TYW1: variants seen among roughly 807,000 people sequenced by gnomAD.
TYW1 encodes S-adenosyl-L-methionine-dependent tRNA 4-demethylwyosine synthase TYW1.
In TYW1, 46 loss-of-function variants were observed where a neutral mutation model predicts 96.2. That is an observed-to-expected ratio of 0.48 (90% CI 0.38 to 0.61). TYW1 has a LOEUF of 0.61. TYW1 is among the 20% of genes least tolerant of loss of function. TYW1 has a pLI of 0.00. For synonymous variants in TYW1, 274 were observed against 323.0 expected (o/e 0.85, Z 1.63); for missense variants, 684 against 909.6 (o/e 0.75, Z 3.19).
intron 15 of TYW1, among the ~76,000 whole-genome samples, chr7:67,214,881 G>C (rs1279921493): frequency 2.0e-5 from 3 of 151,318 alleles, no homozygotes; most frequent in Non-Finnish European, 4.4e-5. Context: ...TAATTCTTTT[G>C]ATACATTGTT....
At chr7:67,044,110 AG>A (rs1230082338) in intron 7 of TYW1, among the ~76,000 whole-genome samples, 2 of 132,730 alleles carry the variant, frequency 1.5e-5, no homozygotes, top group Non-Finnish European at 3.2e-5. Flanking sequence ...CATGAATAAG[AG>A]TTTTTTTTTT....
chr7:67,013,739 C>CTTTTTTTTT (rs931500833), intron 4 of TYW1, among the ~76,000 whole-genome samples: 2 of 97,538 alleles, frequency 2.1e-5, no homozygotes, highest in Non-Finnish European at 3.8e-5. Context: ...GCATTTTTTC[C>CTTTTTTTTT]TTTTTTTTTT....
chr7:67,159,967 A>C (rs1799109306), intron 13 of TYW1, among the ~76,000 whole-genome samples: 1 of 131,402 alleles, frequency 7.6e-6, no homozygotes, highest in South Asian at 2.4e-4. Context: ...CGCCCGGCTA[A>C]TGTTTTGTAT....
At chr7:67,068,024 CT>C (rs562212918) in intron 10 of TYW1, among the ~76,000 whole-genome samples, 225 of 140,790 alleles carry the variant, frequency 1.6e-3, no homozygotes, top group Middle Eastern at 3.7e-3. Context: ...TTTTTCTTTT[CT>C]TTTTTTTTTT....
intron 15 of TYW1, among the ~76,000 whole-genome samples, chr7:67,212,407 AC>A (rs1435381742): frequency 1.3e-5 from 2 of 152,004 alleles, no homozygotes; most frequent in Non-Finnish European, 1.5e-5. Context: ...CTATTGAAGG[AC>A]ATCTTGGTTG....
intron 7 of TYW1, among the ~76,000 whole-genome samples, chr7:67,037,464 A>G (rs763132207): frequency 1.3e-5 from 2 of 149,212 alleles, no homozygotes; most frequent in African/African-American, 2.5e-5. Flanking sequence ...AGATTGCACC[A>G]TTGCACTCCA....
chr7:67,043,207 T>C (rs1795084206), intron 7 of TYW1, among the ~76,000 whole-genome samples: 1 of 152,122 alleles, frequency 6.6e-6, no homozygotes, highest in African/African-American at 2.4e-5. Context: ...TCTGTGTCAC[T>C]CCTCTTGGCT....
rs534519192 is a variant in TYW1 at position 67,177,202 on chromosome 7, G to A, written c.1699-5924G>A. Among the ~76,000 whole-genome samples the A allele has an allele frequency of 9.2e-5, 14 of 151,834 alleles. No homozygotes were observed. In the East Asian group the frequency reaches 9.6e-4, roughly 10 times the overall value. On this transcript the variant is annotated intron_variant, in intron 13 of 15. Transcript: ENST00000359626. The stretch of plus-strand genomic sequence containing the variant: ...TAAGTTTAACTTCTCAACACCACAC[G>A]CAAAAGTCAGTTTTGGTGGATTTTT...
At chr7:67,046,222 T>C (rs1251422726) in intron 7 of TYW1, among the ~76,000 whole-genome samples, 3 of 152,174 alleles carry the variant, frequency 2.0e-5, no homozygotes, top group Non-Finnish European at 4.4e-5. Flanking sequence ...CCTGAGGTGA[T>C]GCCGAGGCTT....
intron 13 of TYW1, among the ~76,000 whole-genome samples, chr7:67,140,513 TTAAA>T (rs1281638546): frequency 1.3e-5 from 2 of 152,000 alleles, no homozygotes; most frequent in Non-Finnish European, 2.9e-5. Flanking sequence ...CTGCCAATCA[TTAAA>T]TAAAGACCTA....
intron 15 of TYW1, among the ~76,000 whole-genome samples, chr7:67,205,544 T>TGGAGGGGAGGA (rs1377935735): frequency 1.3e-5 from 2 of 151,608 alleles, no homozygotes; most frequent in Non-Finnish European, 2.9e-5. Context: ...ACATTACAGC[T>TGGAGGGGAGGA]GGAGGGGAGG....
chr7:67,054,699 C>G (rs1795456072), intron 8 of TYW1, among the ~76,000 whole-genome samples: 1 of 141,348 alleles, frequency 7.1e-6, no homozygotes, highest in Non-Finnish European at 1.6e-5. Flanking sequence ...CTCCATTTGC[C>G]TTATTTGCCT....
intron 4 of TYW1, among the ~76,000 whole-genome samples, chr7:67,013,120 C>CTTTT (rs535642821): frequency 1.5e-4 from 21 of 141,574 alleles, no homozygotes; most frequent in African/African-American, 4.9e-4. Context: ...CTTTTCTTTT[C>CTTTT]TTTTTTTTTT....
At chr7:67,162,670 G>T (rs986822859) in intron 13 of TYW1, among the ~76,000 whole-genome samples, 1 of 152,160 alleles carries the variant, frequency 6.6e-6, no homozygotes, top group Non-Finnish European at 1.5e-5. Flanking sequence ...TAGATTTTGT[G>T]TGCAGGAACA....
chr7:67,092,674 CTTTTTTTTTTTTTT>C (rs3980762), intron 11 of TYW1, among the ~76,000 whole-genome samples: 3 of 92,452 alleles, frequency 3.2e-5, no homozygotes, highest in East Asian at 7.8e-4. Flanking sequence ...CTATCACCTT[CTTTTTTTTTTTTTT>C]TTTTTTTTTT....
intron 9 of TYW1, among the ~76,000 whole-genome samples, chr7:67,061,253 C>T (rs1348531616): frequency 6.6e-6 from 1 of 151,944 alleles, no homozygotes; most frequent in Non-Finnish European, 1.5e-5. Flanking sequence ...CTAGTTTCAG[C>T]TAATAAAGCT....
chr7:67,016,954 A>T (rs1285962201), intron 5 of TYW1, among the ~76,000 whole-genome samples: 1 of 147,384 alleles, frequency 6.8e-6, no homozygotes, highest in Non-Finnish European at 1.5e-5. Context: ...AAATTAGACT[A>T]TGATTGGGAA....
chr7:67,048,362 G>A (rs1264989243), intron 7 of TYW1, among the ~76,000 whole-genome samples: 4 of 150,800 alleles, frequency 2.7e-5, no homozygotes, highest in African/African-American at 9.8e-5. Flanking sequence ...GACCAAGGGT[G>A]GGCTGGGGCT....
At chr7:67,110,008 A>G (rs1196345572) in intron 12 of TYW1, among the ~76,000 whole-genome samples, 1 of 152,312 alleles carries the variant, frequency 6.6e-6, no homozygotes, top group East Asian at 1.9e-4. Context: ...TTGTCATTAT[A>G]TATGACTTGT....
Sources: allele counts gnomAD v4.1 joint callset (sites outside exome capture counted in the v4.1 genomes callset), GRCh38; gene constraint gnomAD v4.1.1; transcripts MANE v1.5; gene names NCBI Gene and HGNC (gene_info 2026-07-23, HGNC 2026-07-21).